The following MELK variants were observed in gnomAD, a reference collection of about 807,000 sequenced individuals.
The protein encoded by MELK is maternal embryonic leucine zipper kinase, also known as pEg3 kinase.
In MELK, 81 loss-of-function variants were observed where a neutral mutation model predicts 85.0. That is an observed-to-expected ratio of 0.95 (90% CI 0.80 to 1.15). The LOEUF (loss-of-function observed/expected upper bound fraction) is 1.15. Ranked by LOEUF, MELK falls within the 50% of genes most tolerant of loss-of-function variation. The probability of loss-of-function intolerance (pLI) is 0.00; values close to 1 mark genes in which losing one functional copy is unlikely to be tolerated. For missense variants in MELK, 754 were observed against 777.5 expected (o/e 0.97, Z 0.36); for synonymous variants, 252 against 265.0 (o/e 0.95, Z 0.48).
chr9:36,667,225 G>A (rs192010903), intron 14 of MELK, among the ~76,000 whole-genome samples: 143 of 151,230 alleles, frequency 9.5e-4, no homozygotes, highest in African/African-American at 3.2e-3. Flanking sequence ...GTGCGATCTC[G>A]GCTCACTGCA....
intron 11 of MELK, among the ~76,000 whole-genome samples, chr9:36,646,797 CTG>C (rs1381597467): frequency 6.6e-6 from 1 of 152,252 alleles, no homozygotes; most frequent in African/African-American, 2.4e-5. Context: ...TCCTCCGTGT[CTG>C]TGCCCCTCTG....
intron 12 of MELK, 113 bp downstream of exon 12, chr9:36,651,990 T>C (rs1283272842): frequency 9.1e-7 from 1 of 1,098,008 alleles, no homozygotes; most frequent in Non-Finnish European, 1.2e-6. Context: ...AGATGTTTTA[T>C]GATTTCAATA....
At chr9:36,582,769 AG>A (rs1226145193) in intron 2 of MELK, among the ~76,000 whole-genome samples, 1 of 152,124 alleles carries the variant, frequency 6.6e-6, no homozygotes, top group East Asian at 1.9e-4. Flanking sequence ...CTAGAGAAAG[AG>A]AAGGGCTAAG....
intron 2 of MELK, among the ~76,000 whole-genome samples, chr9:36,582,287 T>C (rs1242747525): frequency 6.6e-6 from 1 of 152,204 alleles, no homozygotes; most frequent in African/African-American, 2.4e-5. Flanking sequence ...TTCTTGACTT[T>C]TATTCTAAAT....
chr9:36,589,518 TATG>T lies in MELK; in HGVS notation c.145-14_145-12del. The T allele has an allele frequency of 6.4e-7, 1 of 1,573,026 alleles. No homozygotes were observed. The highest frequency in any genetic ancestry group is 8.8e-7 in the Non-Finnish European group (1 of 1,142,794). ...CTGAATAAGTTTATTGCTCATTCCATATGATGTTTTGTCACAGAGTGATTTGCC... is the reference window on the plus strand; with the variant it reads ...CTGAATAAGTTTATTGCTCATTCCATATGTTTTGTCACAGAGTGATTTGCC... On this transcript the variant is annotated splice_polypyrimidine_tract_variant and intron_variant, in intron 3 of 17. Coordinates refer to ENST00000298048, the MANE Select transcript of MELK (RefSeq NM_014791.4).
chr9:36,588,844 C>T (rs751884296), intron 3 of MELK, among the ~76,000 whole-genome samples: 118 of 152,252 alleles, frequency 7.8e-4, no homozygotes, highest in Non-Finnish European at 1.3e-3. Context: ...ACAGTGAATA[C>T]CCATATACCT....
chr9:36,659,711 C>G (rs1487893279), intron 13 of MELK, among the ~76,000 whole-genome samples: 2 of 152,228 alleles, frequency 1.3e-5, no homozygotes, highest in Non-Finnish European at 2.9e-5. Flanking sequence ...CAGCTGACAA[C>G]TCTGCATTAG....
chr9:36,652,709 G>A (rs147050932), intron 12 of MELK, among the ~76,000 whole-genome samples: 4,142 of 132,226 alleles, frequency 0.031, 205 homozygotes, highest in African/African-American at 0.11. Flanking sequence ...CAGCCTGGGC[G>A]ACAGAGCAAG....
At chr9:36,615,948 G>A (rs1393373203) in intron 8 of MELK, among the ~76,000 whole-genome samples, 2 of 152,016 alleles carry the variant, frequency 1.3e-5, no homozygotes, top group East Asian at 1.9e-4. Flanking sequence ...CTTCCCAGAC[G>A]GGGTGGCGGC....
Position 36,671,037 on chromosome 9 carries a change from G to T in MELK, c.1545G>T (p.Met515Ile). The part of the protein sequence containing the change: ...SVELDLNQAH[M>I]EETPKRKGAK... ...AATTGGATCTCAACCAAGCACATAT[G>T]GAGGAGACTCCAAAAAGAAAGGGAG... Residue 515 changes from methionine to isoleucine, a missense_variant, in exon 16 of 18, where the codon ATG becomes ATT. Coordinates refer to ENST00000298048, the MANE Select transcript of MELK (RefSeq NM_014791.4). The T allele has an allele frequency of 6.2e-7, 1 of 1,613,430 alleles. No individual in the cohort carries two copies. The highest frequency in any genetic ancestry group is 8.5e-7 in the Non-Finnish European group (1 of 1,179,688).
chr9:36,591,418 C>G (rs1368629376), intron 4 of MELK, among the ~76,000 whole-genome samples: 1 of 151,552 alleles, frequency 6.6e-6, no homozygotes, highest in African/African-American at 2.4e-5. Context: ...ACAAAAAATA[C>G]AAAAACTTAG....
rs369217053 is a variant in MELK at position 36,674,331 on chromosome 9, C to A, written c.1675-503C>A. 2.0e-4 allele frequency among the ~76,000 whole-genome samples: 30 copies of A among 152,290 alleles called. No individual in the cohort carries two copies. In the East Asian group the frequency reaches 4.8e-3, roughly 24 times the overall value. On this transcript the variant is annotated intron_variant, in intron 16 of 17. Coordinates refer to ENST00000298048, the MANE Select transcript of MELK (RefSeq NM_014791.4). ...CACTTTTTTAAAGGAATACCTGTTACATTTATTTCCTCATAGAACTGTCAT... is the reference window on the plus strand; with the variant it reads ...CACTTTTTTAAAGGAATACCTGTTAAATTTATTTCCTCATAGAACTGTCAT...
chr9:36,607,580 T>C lies in MELK; in HGVS notation c.573T>C (p.Asp191=). Residue 191 remains aspartate (D), a synonymous_variant, in exon 8 of 18, where the codon GAT becomes GAC. Coordinates refer to ENST00000298048, the MANE Select transcript of MELK (RefSeq NM_014791.4). The part of the protein sequence containing the change: ...QGKSYLGSEA[D]VWSMGILLYV... Reference sequence around the variant, plus strand: ...TTTTTCCCTCTTTCTCTCAGGCAGATGTTTGGAGCATGGGCATACTGTTAT... The same window carrying C: ...TTTTTCCCTCTTTCTCTCAGGCAGACGTTTGGAGCATGGGCATACTGTTAT... 6.2e-7 allele frequency: 1 copy of C among 1,608,626 alleles called. No individual in the cohort carries two copies. The highest frequency in any genetic ancestry group is 8.5e-7 in the Non-Finnish European group (1 of 1,175,770).
intron 8 of MELK, among the ~76,000 whole-genome samples, chr9:36,613,927 G>T (rs1029390686): frequency 8.5e-5 from 13 of 152,166 alleles, no homozygotes; most frequent in African/African-American, 2.7e-4. Context: ...GCCATTGGAG[G>T]CTTTTGAGGA....
chr9:36,587,797 A>T (rs1823087495), intron 3 of MELK, among the ~76,000 whole-genome samples: 1 of 145,226 alleles, frequency 6.9e-6, no homozygotes, highest in Admixed American at 6.9e-5. Flanking sequence ...TTTTTTCGAT[A>T]CAGAGTCTCG....
chr9:36,642,707 G>A (rs1829869188), intron 10 of MELK, among the ~76,000 whole-genome samples: 1 of 152,118 alleles, frequency 6.6e-6, no homozygotes, highest in Non-Finnish European at 1.5e-5. Context: ...AGAATTACAG[G>A]TGTGAACTAT....
intron 8 of MELK, among the ~76,000 whole-genome samples, chr9:36,611,663 A>T (rs1481943309): frequency 6.6e-6 from 1 of 152,096 alleles, no homozygotes; most frequent in South Asian, 2.1e-4. Flanking sequence ...GTCTGTAAAA[A>T]TGGATGAAAT....
chr9:36,626,283 T>G (rs529480166), intron 8 of MELK, among the ~76,000 whole-genome samples: 57 of 152,272 alleles, frequency 3.7e-4, no homozygotes, highest in East Asian at 9.6e-4. Flanking sequence ...ACAAATTTTT[T>G]GGGGGTCTGA....
intron 3 of MELK, among the ~76,000 whole-genome samples, chr9:36,585,838 G>A (rs1311239135): frequency 1.3e-5 from 2 of 151,628 alleles, no homozygotes; most frequent in Non-Finnish European, 2.9e-5. Flanking sequence ...CTTGGGAGGT[G>A]GTGGTGGGAG....
Sources: allele counts gnomAD v4.1 joint callset (sites outside exome capture counted in the v4.1 genomes callset), GRCh38; gene constraint gnomAD v4.1.1; transcripts MANE v1.5; gene names NCBI Gene and HGNC (gene_info 2026-07-23, HGNC 2026-07-21).